The following RFX1 variants were observed in gnomAD, a reference collection of about 807,000 sequenced individuals.
RFX1 encodes the protein MHC class II regulatory factor RFX1.
Under a neutral mutation model 119.6 loss-of-function variants are expected in RFX1, and 42 were observed. The ratio of observed to expected loss-of-function variants is 0.35; its 90% CI spans 0.27 to 0.45. The LOEUF is 0.45. Ranked by LOEUF, RFX1 falls within the 20% of genes least tolerant of loss-of-function variation. The pLI is 1.00. For synonymous variants in RFX1, 628 were observed against 618.5 expected (o/e 1.02, Z -0.23); for missense variants, 1,118 against 1,368.1 (o/e 0.82, Z 2.88).
At chr19:13,974,518 C>G (rs755411039) in intron 8 of RFX1, among the ~76,000 whole-genome samples, 1 of 152,056 alleles carries the variant, frequency 6.6e-6, no homozygotes, top group Non-Finnish European at 1.5e-5. Context: ...TGTCGTCCCC[C>G]GAAAGAACAA....
At chr19:13,994,819 T>C (rs1050918859) in intron 1 of RFX1, among the ~76,000 whole-genome samples, 9 of 144,844 alleles carry the variant, frequency 6.2e-5, no homozygotes, top group African/African-American at 1.8e-4. Context: ...AGTATATATA[T>C]ACACACACAT....
At chr19:13,971,085 A>T (rs28566777) in intron 9 of RFX1, among the ~76,000 whole-genome samples, 163 of 151,590 alleles carry the variant, frequency 1.1e-3, no homozygotes, top group African/African-American at 3.9e-3. Flanking sequence ...TGTAATCCCA[A>T]CACTTTGGGA....
In RFX1 at chr19:13,965,644, C is replaced by T. The variant is rs747668425; in HGVS notation, c.2095G>A (p.Val699Met). 1.2e-6 allele frequency: 2 copies of T among 1,613,604 alleles called. No homozygotes were observed. The highest frequency in any genetic ancestry group is 1.7e-6 in the Non-Finnish European group (2 of 1,179,898). Residue 699 changes from valine to methionine, a missense_variant, in exon 15 of 21, where the codon GTG (valine) becomes ATG (methionine). Physicochemically the swap from Val to Met is conservative, Grantham distance 21. This residue lies in a region of RFX1 where 338 missense variants were observed against 508.9 expected (regional missense o/e 0.66). Transcript: ENST00000254325. The surrounding 1 kb of genome is among the most constrained non-coding windows in gnomAD (Gnocchi z 4.7). ...QGLVEILIPD[V>M]LRPIPSALTQ... ...CACTCACTGGGGATGGGCCGCAGCACGTCGGGAATGAGGATTTCCACCAGG... is the reference window on the plus strand; with the variant it reads ...CACTCACTGGGGATGGGCCGCAGCATGTCGGGAATGAGGATTTCCACCAGG...
rs1168262645 is a variant in RFX1, at chr19:13,961,851, CTCCGCTCGGGCGGCGCTCACG to C, written c.*823_*843del. 1.3e-5 allele frequency: 2 copies of C among 152,350 alleles called. No homozygotes were observed. The highest frequency in any genetic ancestry group is 2.4e-5 in the African/African-American group (1 of 41,466). The allele number at this position is 152,350 out of a possible 1,614,324, so 9.4% of individuals were successfully genotyped here. On this transcript the variant is annotated 3_prime_UTR_variant, in exon 21 of 21. Coordinates refer to ENST00000254325, the MANE Select transcript of RFX1 (RefSeq NM_002918.5). The stretch of plus-strand genomic sequence containing the variant: ...GGAAAAAAACCCAACAAGTTACCAA[CTCCGCTCGGGCGGCGCTCACG>C]AATCGCACAATAGTCATGGGGTGGG...
Position 13,963,983 on chromosome 19 carries a change from G to C in RFX1, c.2236C>G (p.Gln746Glu). The C allele has an allele frequency of 3.3e-6, 5 of 1,536,824 alleles. No homozygotes were observed. The highest frequency in any genetic ancestry group is 4.4e-6 in the Non-Finnish European group (5 of 1,146,640). ...VKVAAAGAFAQTLRRYTSLNH... is the reference protein window; with the variant it reads ...VKVAAAGAFAETLRRYTSLNH... ...AGCGACGTGTAGCGCCGCAGTGTCTGCGCGAAGGCGCCAGCCGCGGCCACC... is the reference window on the plus strand; with the variant it reads ...AGCGACGTGTAGCGCCGCAGTGTCTCCGCGAAGGCGCCAGCCGCGGCCACC... The change falls in exon 17 of 21, where the codon CAG becomes GAG. Residue 746 changes from glutamine to glutamate, a missense_variant. Physicochemically the swap from Gln to Glu is conservative, Grantham distance 29. Transcript: ENST00000254325.
At chr19:13,981,985 T>G in intron 5 of RFX1, 136 bp downstream of exon 5, 3 of 383,852 alleles carry the variant, frequency 7.8e-6, no homozygotes, top group South Asian at 1.4e-4. Flanking sequence ...GCACTGGGAG[T>G]GAAGAGGGAA....
rs1973758932 is a variant in RFX1 at position 13,963,045 on chromosome 19, G to C, written c.2725-6C>G. The C allele has an allele frequency of 6.4e-7, 1 of 1,571,704 alleles. No homozygotes were observed. Among genetic ancestry groups the C allele is most frequent in the East Asian group, 2.4e-5 (1 of 42,422 alleles). ...GAGGTGGCCAGATTGGCGAACTGGA[G>C]GAAGAAGAGAAGAAAATGGGTGAGG... On this transcript the variant is annotated splice_region_variant and splice_polypyrimidine_tract_variant and intron_variant, in intron 19 of 20. Transcript: ENST00000254325.
At chr19:13,994,821 C>T (rs570062195) in intron 1 of RFX1, among the ~76,000 whole-genome samples, 2 of 138,966 alleles carry the variant, frequency 1.4e-5, no homozygotes, top group South Asian at 2.2e-4. Flanking sequence ...TATATATATA[C>T]ACACACATAT....
intron 2 of RFX1, among the ~76,000 whole-genome samples, chr19:13,989,986 G>T (rs1482777182): frequency 6.6e-6 from 1 of 152,086 alleles, no homozygotes; most frequent in East Asian, 1.9e-4. Context: ...GAGATTTGAA[G>T]AGGGAAAAAT....
chr19:13,991,786 T>C (rs1487577188), intron 2 of RFX1, among the ~76,000 whole-genome samples: 3 of 152,090 alleles, frequency 2.0e-5, no homozygotes, highest in Admixed American at 2.0e-4. Flanking sequence ...CTCAGCTTCC[T>C]GAGTAGCTGG....
rs1281394682 is a variant in RFX1, at chr19:13,979,489, C to T, written c.792G>A (p.Pro264=). The change falls in exon 7 of 21, where the codon CCG becomes CCA. Residue 264 remains proline, a synonymous_variant. Coordinates refer to ENST00000254325, the MANE Select transcript of RFX1 (RefSeq NM_002918.5). ...PQAPKPGPVQ[P]LTVQGLQPVH... ...CTGGCTGGAGGCCCTGCACGGTCAG[C>T]GGCTGCACCGGGCCGGGTTTGGGCG... 10 of 1,600,840 alleles carry T rather than the reference C, an allele frequency of 6.2e-6. No homozygotes were observed. Among genetic ancestry groups the T allele is most frequent in the African/African-American group, 1.3e-5 (1 of 74,354 alleles).
At chr19:13,982,297 C>T (rs563621720) in intron 4 of RFX1, 69 bp from the exon 5 acceptor site, 7 of 848,630 alleles carry the variant, frequency 8.2e-6, no homozygotes, top group African/African-American at 6.2e-5. Flanking sequence ...CGAGCATCTG[C>T]GCAGTGCCAG....
At chr19:13,994,011 G>A (rs953743327) in intron 1 of RFX1, 116 bp from the exon 2 acceptor site, 3 of 660,502 alleles carry the variant, frequency 4.5e-6, no homozygotes, top group Non-Finnish European at 7.7e-6. Flanking sequence ...CCCTGGAGAT[G>A]TGCTTGGGTT....
chr19:13,995,754 G>C (rs2145629261), intron 1 of RFX1, among the ~76,000 whole-genome samples: 1 of 151,498 alleles, frequency 6.6e-6, no homozygotes, highest in East Asian at 1.9e-4. Context: ...AGGAGGATGA[G>C]GCAGGAGAAT....
Position 13,994,717 on chromosome 19 carries a change from A to ATG in RFX1, c.-52-823_-52-822insCA, listed in dbSNP as rs1363917481. Among the ~76,000 whole-genome samples, 615 of 108,358 alleles carry ATG rather than the reference A, an allele frequency of 5.7e-3. 8 individuals carry two copies. The highest frequency in any genetic ancestry group is 0.02 in the African/African-American group (583 of 28,830). The allele number at this position is 108,358 out of a possible 152,430, so 71.1% of individuals were successfully genotyped here. The stretch of plus-strand genomic sequence containing the variant: ...GAGACCCAAGACTCTGTCTAAATAT[A>ATG]TATGTGTGTGTGTGTGTGTGTGTGT... On this transcript the variant is annotated intron_variant, in intron 1 of 20. Transcript: ENST00000254325.
upstream of RFX1, chr19:14,006,802 G>C (rs1017847607): frequency 2.0e-5 from 3 of 152,286 alleles, no homozygotes; most frequent in Admixed American, 2.0e-4. Context: ...TCTCTCGCTC[G>C]GTGGGCCAGT....
intron 8 of RFX1, among the ~76,000 whole-genome samples, chr19:13,976,504 A>G (rs948504275): frequency 2.6e-5 from 4 of 152,192 alleles, no homozygotes; most frequent in Non-Finnish European, 5.9e-5. Flanking sequence ...ATACACAGGA[A>G]TGGTAGTGCT....
At chr19:13,982,514 T>C (rs1478632375) in intron 4 of RFX1, among the ~76,000 whole-genome samples, 2 of 152,112 alleles carry the variant, frequency 1.3e-5, no homozygotes, top group East Asian at 3.9e-4. Flanking sequence ...TAAAACCCAA[T>C]AGTCCTAGGC....
rs566239720 is a variant in RFX1, at chr19:13,982,491, G to A, written c.514-263C>T. Among the ~76,000 whole-genome samples the A allele has an allele frequency of 9.8e-5, 15 of 152,314 alleles. 1 individual carries two copies. The South Asian group carries it at 3.1e-3, about 32-fold the overall frequency. On this transcript the variant is annotated intron_variant, in intron 4 of 20. Transcript: ENST00000254325. ...GAGTTGTTGTCAGGCCATGTGGAAT[G>A]TGCTGTCATCCTTAAAACCCAATAG...
Sources: gnomAD v4.1 joint callset for allele counts (sites outside exome capture counted in the v4.1 genomes callset) on GRCh38, gnomAD v4.1.1 for gene constraint, gnomAD v4.1.1 regional missense constraint, Gnocchi (gnomAD v3.1) non-coding constraint, MANE v1.5 for transcripts, NCBI Gene and HGNC (gene_info 2026-07-23, HGNC 2026-07-21) for gene names.